Variants in SNAP91 observed in about 807,000 individuals in gnomAD.
The protein encoded by SNAP91 is clathrin coat assembly protein AP180.
A neutral mutation model predicts 100.3 loss-of-function variants in SNAP91; 27 were observed. The observed-to-expected ratio is 0.27, with a 90% CI of 0.20 to 0.37. SNAP91 has a LOEUF of 0.37. SNAP91 is among the 10% of genes least tolerant of loss of function. The probability of loss-of-function intolerance (pLI) is 1.00; values close to 1 mark genes in which losing one functional copy is unlikely to be tolerated. For missense variants in SNAP91, 986 were observed against 1,123.7 expected, an observed-to-expected ratio of 0.88 and a Z score of 1.75; for synonymous variants, 404 against 398.6, an observed-to-expected ratio of 1.01 and a Z score of -0.16.
chr6:83,697,758 G>A (rs1247923568), intron 2 of SNAP91, among the ~76,000 whole-genome samples: 1 of 152,054 alleles, frequency 6.6e-6, no homozygotes, highest in Non-Finnish European at 1.5e-5. Flanking sequence ...GAAGTTTATT[G>A]GGTAAAAGTA....
intron 8 of SNAP91, among the ~76,000 whole-genome samples, chr6:83,636,031 A>G (rs1199307477): frequency 6.6e-6 from 1 of 152,210 alleles, no homozygotes; most frequent in Non-Finnish European, 1.5e-5. Context: ...TCTTTTGAGA[A>G]GTCTGTCGTT....
At chr6:83,607,481 C>T (rs963436032) in intron 13 of SNAP91, among the ~76,000 whole-genome samples, 1 of 152,044 alleles carries the variant, frequency 6.6e-6, no homozygotes, top group Non-Finnish European at 1.5e-5. Context: ...CTTCCATTTC[C>T]TTTCTCAGTT....
intron 29 of SNAP91, among the ~76,000 whole-genome samples, chr6:83,554,701 T>C (rs1449301832): frequency 6.6e-6 from 1 of 152,138 alleles, no homozygotes; most frequent in Admixed American, 6.6e-5. Flanking sequence ...TGGTGTTCAA[T>C]GAGTCACTTT....
chr6:83,666,045 T>C (rs1390664935), intron 2 of SNAP91, among the ~76,000 whole-genome samples: 1 of 152,050 alleles, frequency 6.6e-6, no homozygotes, highest in African/African-American at 2.4e-5. Context: ...CTTTGAAAGG[T>C]GCTAGTAAAT....
At chr6:83,560,434 C>A (rs1785318220) in intron 27 of SNAP91, among the ~76,000 whole-genome samples, 2 of 152,184 alleles carry the variant, frequency 1.3e-5, no homozygotes, top group African/African-American at 4.8e-5. Flanking sequence ...ATGGTATCCC[C>A]ATCCCAACCA....
intron 2 of SNAP91, among the ~76,000 whole-genome samples, chr6:83,672,683 G>A (rs2098804806): frequency 6.6e-6 from 1 of 152,062 alleles, no homozygotes; most frequent in African/African-American, 2.4e-5. Flanking sequence ...CTTGTCATAT[G>A]CCTGAATCTA....
chr6:83,664,106 A>G (rs987875779), intron 3 of SNAP91, among the ~76,000 whole-genome samples: 3 of 152,078 alleles, frequency 2.0e-5, no homozygotes, highest in African/African-American at 7.2e-5. Context: ...CTCAGAAAAA[A>G]AGATTCCTTT....
chr6:83,570,553 T>TG (rs200955608), intron 26 of SNAP91, among the ~76,000 whole-genome samples: 4,518 of 71,214 alleles, frequency 0.063, 322 homozygotes, highest in East Asian at 0.26. Flanking sequence ...GTTTACGGGG[T>TG]GGCGGGGGGG....
intron 8 of SNAP91, 101 bp from the exon 9 acceptor site, chr6:83,623,443 G>A (rs995721379): frequency 1.3e-6 from 1 of 779,178 alleles, no homozygotes; most frequent in African/African-American, 1.7e-5. Flanking sequence ...GCTCAATATT[G>A]GTGTAAATGA....
At chr6:83,559,463 T>C (rs1783778343) in intron 28 of SNAP91, among the ~76,000 whole-genome samples, 1 of 152,204 alleles carries the variant, frequency 6.6e-6, no homozygotes, top group Non-Finnish European at 1.5e-5. Context: ...TCTCTTCCTA[T>C]AACTGGATCT....
Position 83,580,510 on chromosome 6 carries a change from T to G in SNAP91, c.2239A>C (p.Met747Leu), listed in dbSNP as rs774580296. The G allele has an allele frequency of 7.4e-6, 12 of 1,613,588 alleles. No individual in the cohort carries two copies. The highest frequency in any genetic ancestry group is 1.0e-5 in the Non-Finnish European group (12 of 1,179,798). The change falls in exon 24 of 30, where the codon ATG becomes CTG. Residue 747 changes from methionine (M) to leucine (L), a missense_variant. Transcript: ENST00000369694. ...PVSMVPPSPAMAASKALGSDL... is the reference protein window; with the variant it reads ...PVSMVPPSPALAASKALGSDL... ...CTTCCAAGGGCTTTGCTGGCTGCCA[T>G]TGCAGGACTGGGTGGTACCATTGAG...
chr6:83,648,407 T>C (rs1019514688), intron 7 of SNAP91, among the ~76,000 whole-genome samples: 3 of 152,128 alleles, frequency 2.0e-5, no homozygotes, highest in African/African-American at 7.2e-5. Flanking sequence ...ATGAACATTT[T>C]TGAACATTCA....
At chr6:83,663,769 C>T (rs1166741237) in intron 3 of SNAP91, among the ~76,000 whole-genome samples, 3 of 152,124 alleles carry the variant, frequency 2.0e-5, no homozygotes, top group African/African-American at 7.2e-5. Context: ...AAGGTGGCTA[C>T]ATGAAACAGA....
chr6:83,640,243 T>C (rs962491630), intron 8 of SNAP91, among the ~76,000 whole-genome samples: 1 of 152,184 alleles, frequency 6.6e-6, no homozygotes, highest in African/African-American at 2.4e-5. Context: ...AGAGTACTTC[T>C]TAAATCGTGT....
At chr6:83,705,406 T>G (rs1562760574) in intron 2 of SNAP91, among the ~76,000 whole-genome samples, 1 of 152,272 alleles carries the variant, frequency 6.6e-6, no homozygotes, top group East Asian at 1.9e-4. Context: ...GGTGGGTGTT[T>G]TAGAGATTAG....
chr6:83,627,186 C>T (rs895827060), intron 8 of SNAP91, among the ~76,000 whole-genome samples: 3 of 152,070 alleles, frequency 2.0e-5, no homozygotes, highest in Non-Finnish European at 2.9e-5. Flanking sequence ...ACCTTGCATC[C>T]TAGGAATAAA....
chr6:83,667,613 C>T (rs541000152), intron 2 of SNAP91, among the ~76,000 whole-genome samples: 30 of 151,412 alleles, frequency 2.0e-4, no homozygotes, highest in Non-Finnish European at 3.7e-4. Context: ...AAAAACTGTC[C>T]CAGTTGTAAT....
At chr6:83,667,061 G>A (rs2098700276) in intron 2 of SNAP91, among the ~76,000 whole-genome samples, 1 of 152,092 alleles carries the variant, frequency 6.6e-6, no homozygotes, top group African/African-American at 2.4e-5. Context: ...ATAATCAAAT[G>A]AGTCAACATT....
In SNAP91 at chr6:83,585,839, ATTTT is replaced by A. The variant is rs915653796; in HGVS notation, c.2015-3487_2015-3484del. 1.1e-4 allele frequency among the ~76,000 whole-genome samples: 16 copies of A among 147,940 alleles called. 1 individual carries two copies. Among genetic ancestry groups the A allele is most frequent in the Admixed American group, 1.0e-3 (15 of 14,818 alleles). On this transcript the variant is annotated intron_variant, in intron 22 of 29. Coordinates refer to ENST00000369694, the MANE Select transcript of SNAP91 (RefSeq NM_001242792.2). ...ATATTGTTTCAGTTGCAGGAGTACA[ATTTT>A]TTTTTCTTTCTTTTTTTTTTTTTTT...
Sources: allele counts gnomAD v4.1 joint callset (sites outside exome capture counted in the v4.1 genomes callset), GRCh38; gene constraint gnomAD v4.1.1; transcripts MANE v1.5; gene names NCBI Gene and HGNC (gene_info 2026-07-23, HGNC 2026-07-21).